The following GRM7 variants were observed in gnomAD, a reference collection of about 807,000 sequenced individuals.
GRM7 encodes the protein glutamate metabotropic receptor 7.
In GRM7, 35 loss-of-function variants were observed where a neutral mutation model predicts 84.5. That is an observed-to-expected ratio of 0.41 (90% CI 0.32 to 0.55). The LOEUF is 0.55. Ranked by LOEUF, GRM7 falls within the 20% of genes least tolerant of loss-of-function variation. The pLI is 0.19. For synonymous variants in GRM7, 487 were observed against 455.1 expected (o/e 1.07, Z -0.89); for missense variants, 1,003 against 1,194.6 (o/e 0.84, Z 2.36).
intron 8 of GRM7, among the ~76,000 whole-genome samples, chr3:7,630,797 A>G (rs1243211625): frequency 6.6e-6 from 1 of 152,264 alleles, no homozygotes; most frequent in African/African-American, 2.4e-5. Flanking sequence ...CCCAGGAAGT[A>G]GGTACAAAAT....
At chr3:6,906,105 C>G (rs1696565338) in intron 1 of GRM7, among the ~76,000 whole-genome samples, 1 of 152,202 alleles carries the variant, frequency 6.6e-6, no homozygotes. Context: ...ATAATTCATA[C>G]AGTTTCAGTT....
chr3:7,477,910 T>C (rs1378324511), intron 7 of GRM7, among the ~76,000 whole-genome samples: 3 of 152,190 alleles, frequency 2.0e-5, no homozygotes, highest in East Asian at 3.9e-4. Context: ...TTGCATGTTA[T>C]AAGGACCGGT....
rs2124924619 is a variant in GRM7, at chr3:6,861,820, C to T, written c.432C>T (p.Phe144=). The T allele has an allele frequency of 1.9e-6, 3 of 1,614,180 alleles. No homozygotes were observed. Among genetic ancestry groups the T allele is most frequent in the South Asian group, 2.2e-5 (2 of 91,084 alleles). Residue 144 remains phenylalanine (F), a synonymous_variant, in exon 1 of 10, where the codon TTC becomes TTT. Coordinates refer to ENST00000357716, the MANE Select transcript of GRM7 (RefSeq NM_000844.4). The surrounding 1 kb of genome is among the most constrained non-coding windows in gnomAD (Gnocchi z 6.4). ...GCACCAACGGCGAACCGCCGGTTTT[C>T]GTCAAGCCGGAGAAAGTAGTTGGAG... The part of the protein sequence containing the change: ...VRCTNGEPPV[F]VKPEKVVGVI...
At position 7,256,417 on chromosome 3, in the gene GRM7, A is replaced by T. The variant is rs564491319; in HGVS notation, c.737-42267A>T. 1.1e-4 allele frequency among the ~76,000 whole-genome samples: 16 copies of T among 151,222 alleles called. No homozygotes were observed. The South Asian group carries it at 2.7e-3, about 26-fold the overall frequency. On this transcript the variant is annotated intron_variant, in intron 2 of 9. Coordinates refer to ENST00000357716, the MANE Select transcript of GRM7 (RefSeq NM_000844.4). ...GTAGTTTGTTTGAAGGAACATATTT[A>T]AAAAAGCAGCATAGCTTGGCAGCCC...
chr3:7,202,438 C>G (rs1314854975), intron 2 of GRM7, among the ~76,000 whole-genome samples: 1 of 152,234 alleles, frequency 6.6e-6, no homozygotes, highest in East Asian at 1.9e-4. Context: ...TCAAGTGATT[C>G]TCCTGCCTCA....
intron 1 of GRM7, among the ~76,000 whole-genome samples, chr3:6,999,918 T>C (rs1324978941): frequency 1.3e-5 from 2 of 152,170 alleles, no homozygotes; most frequent in African/African-American, 4.8e-5. Flanking sequence ...ATATCAATAT[T>C]TTAGTAGCAT....
chr3:7,384,556 C>T (rs546102444), intron 4 of GRM7, among the ~76,000 whole-genome samples: 3 of 152,002 alleles, frequency 2.0e-5, no homozygotes, highest in East Asian at 1.9e-4. Flanking sequence ...TTTATTTAAC[C>T]CAATGTATCC....
At chr3:6,927,510 AAAGAAAG>A (rs1445639408) in intron 1 of GRM7, among the ~76,000 whole-genome samples, 2 of 150,208 alleles carry the variant, frequency 1.3e-5, no homozygotes, top group African/African-American at 4.9e-5. Flanking sequence ...AGAAAGAAAG[AAAGAAAG>A]AAGAGAAAAG....
chr3:7,216,305 T>C (rs1696608066), intron 2 of GRM7, among the ~76,000 whole-genome samples: 1 of 152,210 alleles, frequency 6.6e-6, no homozygotes, highest in Non-Finnish European at 1.5e-5. Context: ...CATGTTGGTA[T>C]AATTATATAA....
intron 5 of GRM7, among the ~76,000 whole-genome samples, chr3:7,430,067 T>C (rs921593675): frequency 7.9e-5 from 12 of 152,176 alleles, no homozygotes; most frequent in African/African-American, 2.9e-4. Context: ...CAGGATTACT[T>C]TGAGCCCAGA....
intron 1 of GRM7, among the ~76,000 whole-genome samples, chr3:7,121,147 G>C (rs531328713): frequency 6.6e-6 from 1 of 152,090 alleles, no homozygotes; most frequent in African/African-American, 2.4e-5. Context: ...TTCTGTGACT[G>C]CCAGGAACAC....
At chr3:7,333,709 A>ATTT (rs1474428692) in intron 4 of GRM7, among the ~76,000 whole-genome samples, 8 of 149,882 alleles carry the variant, frequency 5.3e-5, no homozygotes, top group African/African-American at 1.8e-4. Flanking sequence ...AAAGAAATTA[A>ATTT]AAAAAAATAC....
At chr3:7,658,707 G>A (rs1326768201) in intron 8 of GRM7, among the ~76,000 whole-genome samples, 4 of 152,260 alleles carry the variant, frequency 2.6e-5, no homozygotes. Flanking sequence ...CCATACCATT[G>A]TTTATAGAAT....
At chr3:7,463,778 G>A (rs1017100773) in intron 7 of GRM7, among the ~76,000 whole-genome samples, 4 of 152,140 alleles carry the variant, frequency 2.6e-5, no homozygotes, top group African/African-American at 9.7e-5. Context: ...AGATGTTGGA[G>A]CAATAGGTAA....
At chr3:6,883,638 G>T (rs556788570) in intron 1 of GRM7, among the ~76,000 whole-genome samples, 1 of 152,148 alleles carries the variant, frequency 6.6e-6, no homozygotes, top group South Asian at 2.1e-4. Context: ...TATAAAGATG[G>T]CATTTTAGGT....
intron 1 of GRM7, among the ~76,000 whole-genome samples, chr3:6,901,559 T>C (rs1288004124): frequency 9.7e-5 from 12 of 123,666 alleles, no homozygotes; most frequent in African/African-American, 3.7e-4. Context: ...GATTGCACCA[T>C]TGCACTCCAG....
At chr3:7,090,861 T>C (rs913050053) in intron 1 of GRM7, among the ~76,000 whole-genome samples, 13 of 152,146 alleles carry the variant, frequency 8.5e-5, no homozygotes, top group African/African-American at 3.1e-4. Flanking sequence ...AGAAAATGAA[T>C]TTAGCTTCTT....
rs139992376 is a variant in GRM7, at chr3:6,982,604, A to G, written c.519+120697A>G. 3.6e-4 allele frequency among the ~76,000 whole-genome samples: 55 copies of G among 151,840 alleles called. No individual in the cohort carries two copies. In the East Asian group the frequency reaches 0.01, roughly 29 times the overall value. On this transcript the variant is annotated intron_variant, in intron 1 of 9. Transcript: ENST00000357716. The stretch of plus-strand genomic sequence containing the variant: ...ATCAGACTACAGAGCAGTTTCATCA[A>G]CTCAAAAGAAAAAAAAAAAACCTTT...
chr3:7,523,391 A>G (rs1477775783), intron 7 of GRM7, among the ~76,000 whole-genome samples: 1 of 152,134 alleles, frequency 6.6e-6, no homozygotes, highest in Non-Finnish European at 1.5e-5. Flanking sequence ...AACGGAACCT[A>G]CAAGAATGTG....
Sources: allele counts gnomAD v4.1 joint callset (sites outside exome capture counted in the v4.1 genomes callset), GRCh38; gene constraint gnomAD v4.1.1; non-coding constraint Gnocchi (gnomAD v3.1); transcripts MANE v1.5; gene names NCBI Gene and HGNC (gene_info 2026-07-23, HGNC 2026-07-21).